HSD17B11: variants seen among roughly 807,000 people sequenced by gnomAD.
The protein encoded by HSD17B11 is estradiol 17-beta-dehydrogenase 11.
In HSD17B11, 22 loss-of-function variants were observed where a neutral mutation model predicts 27.8. The ratio of observed to expected loss-of-function variants is 0.79; its 90% CI spans 0.56 to 1.13. The LOEUF (loss-of-function observed/expected upper bound fraction) is 1.13, where lower values mean the gene tolerates loss of function less well. Among genes scored for constraint, HSD17B11 ranks in the 50% most tolerant of loss-of-function variants. The probability of loss-of-function intolerance (pLI) is 0.00; values close to 1 mark genes in which losing one functional copy is unlikely to be tolerated. For missense variants in HSD17B11, 314 were observed against 351.1 expected, an observed-to-expected ratio of 0.89 and a Z score of 0.84; for synonymous variants, 117 against 132.8, an observed-to-expected ratio of 0.88 and a Z score of 0.82.
At chr4:87,385,486 A>C (rs1325951835) in intron 1 of HSD17B11, among the ~76,000 whole-genome samples, 1 of 152,146 alleles carries the variant, frequency 6.6e-6, no homozygotes, top group Non-Finnish European at 1.5e-5. Flanking sequence ...AAGATGAAAA[A>C]TTTCTGGAGA....
intron 2 of HSD17B11, among the ~76,000 whole-genome samples, chr4:87,377,428 C>T (rs1057121168): frequency 7.4e-5 from 11 of 148,682 alleles, no homozygotes; most frequent in Middle Eastern, 3.5e-3. Context: ...CTAGCCTGAG[C>T]GACAGAGCGA....
At chr4:87,345,784 A>G (rs1375321376) in intron 5 of HSD17B11, among the ~76,000 whole-genome samples, 3 of 152,174 alleles carry the variant, frequency 2.0e-5, no homozygotes, top group Non-Finnish European at 2.9e-5. Flanking sequence ...GAGATCTTTA[A>G]TAAGAGATTG....
intron 4 of HSD17B11, among the ~76,000 whole-genome samples, chr4:87,360,179 A>G (rs1735479423): frequency 6.6e-6 from 1 of 151,832 alleles, no homozygotes; most frequent in African/African-American, 2.4e-5. Flanking sequence ...ATATAATTGA[A>G]TCTAGCAATC....
chr4:87,354,087 T>C (rs1049959972), intron 5 of HSD17B11, among the ~76,000 whole-genome samples: 29 of 152,336 alleles, frequency 1.9e-4, no homozygotes, highest in African/African-American at 7.0e-4. Flanking sequence ...ACAAAAATTG[T>C]GTATTAAAAA....
intron 5 of HSD17B11, among the ~76,000 whole-genome samples, chr4:87,342,565 C>G (rs1402485455): frequency 6.6e-6 from 1 of 151,704 alleles, no homozygotes; most frequent in Non-Finnish European, 1.5e-5. Flanking sequence ...AAAAACAAAA[C>G]TGGATGAAAT....
At chr4:87,338,445 A>C (rs1051130161) in intron 6 of HSD17B11, among the ~76,000 whole-genome samples, 2 of 152,246 alleles carry the variant, frequency 1.3e-5, no homozygotes, top group Non-Finnish European at 2.9e-5. Flanking sequence ...CATAACAAGA[A>C]TTAGGGCAAT....
intron 5 of HSD17B11, among the ~76,000 whole-genome samples, chr4:87,341,350 T>A (rs1735163678): frequency 6.6e-6 from 1 of 152,088 alleles, no homozygotes; most frequent in South Asian, 2.1e-4. Flanking sequence ...TTTTGTATTT[T>A]TAGTAGAGAT....
rs1560769720 is a variant in HSD17B11, at chr4:87,378,958, ATATTTTT to A, written c.318+3290_318+3296del. On this transcript the variant is annotated intron_variant, in intron 2 of 6. Coordinates refer to ENST00000358290, the MANE Select transcript of HSD17B11 (RefSeq NM_016245.5). Reference sequence around the variant, plus strand: ...TATATATATATATATTTATATATATATATTTTTTTTTTTTTTTGAGATGGTGTCTTGC... The same window carrying A: ...TATATATATATATATTTATATATATATTTTTTTTTTGAGATGGTGTCTTGC... 3.7e-4 allele frequency among the ~76,000 whole-genome samples: 10 copies of A among 27,118 alleles called. No homozygotes were observed. The East Asian group carries it at 4.3e-3, about 12-fold the overall frequency. 17.8% of individuals were successfully genotyped at this position (27,118 alleles called of 152,430 possible).
intron 2 of HSD17B11, among the ~76,000 whole-genome samples, chr4:87,380,863 C>CAAAAAAAAAAAAAAAAAAAAAA (rs561938045): frequency 4.0e-5 from 3 of 74,728 alleles, no homozygotes; most frequent in Non-Finnish European, 4.8e-5. Flanking sequence ...GACTCTATCT[C>CAAAAAAAAAAAAAAAAAAAAAA]AAAAAAAAAA....
chr4:87,364,578 C>T (rs1735583535), intron 4 of HSD17B11, among the ~76,000 whole-genome samples: 1 of 152,164 alleles, frequency 6.6e-6, no homozygotes, highest in South Asian at 2.1e-4. Flanking sequence ...AAGGCAACAT[C>T]CTCACCCCTC....
At chr4:87,347,116 C>A (rs13105267) in intron 5 of HSD17B11, among the ~76,000 whole-genome samples, 2 of 44,314 alleles carry the variant, frequency 4.5e-5, no homozygotes, top group East Asian at 6.7e-4. Context: ...TTTTTTTTTT[C>A]TTTTTTTTTT....
At chr4:87,363,008 G>T (rs1735545274) in intron 4 of HSD17B11, among the ~76,000 whole-genome samples, 1 of 152,204 alleles carries the variant, frequency 6.6e-6, no homozygotes, top group Non-Finnish European at 1.5e-5. Flanking sequence ...TTGGATTAAA[G>T]ATGATGGGGC....
intron 4 of HSD17B11, among the ~76,000 whole-genome samples, chr4:87,368,393 G>A (rs557732900): frequency 6.6e-6 from 1 of 152,220 alleles, no homozygotes; most frequent in African/African-American, 2.4e-5. Flanking sequence ...TTCTGACTAA[G>A]CTCCTCTCTA....
At chr4:87,359,638 A>G (rs976595719) in intron 4 of HSD17B11, among the ~76,000 whole-genome samples, 3 of 152,234 alleles carry the variant, frequency 2.0e-5, no homozygotes, top group Non-Finnish European at 2.9e-5. Flanking sequence ...CGCTGGGATT[A>G]TAAGTGTGAG....
chr4:87,338,212 GT>G (rs1299309858), intron 6 of HSD17B11, among the ~76,000 whole-genome samples: 1 of 150,986 alleles, frequency 6.6e-6, no homozygotes, highest in Admixed American at 6.6e-5. Flanking sequence ...GCGAGACTCC[GT>G]CCCCCACAGC....
intron 5 of HSD17B11, among the ~76,000 whole-genome samples, chr4:87,341,186 T>G (rs938149375): frequency 2.0e-5 from 3 of 152,136 alleles, no homozygotes; most frequent in Non-Finnish European, 4.4e-5. Context: ...TTGTTTGTTT[T>G]TTTGAGGCAG....
At chr4:87,346,586 G>C (rs931418605) in intron 5 of HSD17B11, among the ~76,000 whole-genome samples, 1 of 152,094 alleles carries the variant, frequency 6.6e-6, no homozygotes, top group Non-Finnish European at 1.5e-5. Context: ...GGAGGTGGAG[G>C]CCGCAGTTAG....
intron 5 of HSD17B11, among the ~76,000 whole-genome samples, chr4:87,343,740 G>A (rs1735217573): frequency 6.6e-6 from 1 of 151,958 alleles, no homozygotes. Context: ...TAGAGACGGG[G>A]TTTCACCATG....
intron 1 of HSD17B11, among the ~76,000 whole-genome samples, chr4:87,387,747 G>A (rs1720357332): frequency 6.6e-6 from 1 of 151,974 alleles, no homozygotes; most frequent in African/African-American, 2.4e-5. Context: ...ACAAAAAGTA[G>A]GAAGGATATA....
Sources: allele counts gnomAD v4.1 joint callset (sites outside exome capture counted in the v4.1 genomes callset), GRCh38; gene constraint gnomAD v4.1.1; transcripts MANE v1.5; gene names NCBI Gene and HGNC (gene_info 2026-07-23, HGNC 2026-07-21).